The following ALK variants were observed in gnomAD, a reference collection of about 807,000 sequenced individuals.
ALK encodes the protein ALK receptor tyrosine kinase, also known as ALK tyrosine kinase receptor.
A neutral mutation model predicts 163.1 loss-of-function variants in ALK; 74 were observed. The observed-to-expected ratio is 0.45, with a 90% CI of 0.38 to 0.55. The LOEUF (loss-of-function observed/expected upper bound fraction) is 0.55, where lower values mean the gene tolerates loss of function less well. Among genes scored for constraint, ALK ranks in the 20% least tolerant of loss-of-function variants. ALK has a pLI of 0.00. For missense variants in ALK, 2,063 were observed against 2,105.3 expected (o/e 0.98, Z 0.39); for synonymous variants, 960 against 843.2 (o/e 1.14, Z -2.40).
At chr2:29,758,741 A>G (rs1051220306) in intron 1 of ALK, among the ~76,000 whole-genome samples, 1 of 152,114 alleles carries the variant, frequency 6.6e-6, no homozygotes, top group African/African-American at 2.4e-5. Context: ...TTCTTCAATT[A>G]AAAAGGCTTT....
rs1553395221 is a variant in ALK, at chr2:29,226,972, C to A, written c.3017G>T (p.Cys1006Phe). 10 of 1,614,228 alleles carry A rather than the reference C, an allele frequency of 6.2e-6. No individual in the cohort carries two copies. The highest frequency in any genetic ancestry group is 8.5e-6 in the Non-Finnish European group (10 of 1,180,040). The change falls in exon 18 of 29, where the codon TGC becomes TTC. Residue 1006 changes from cysteine (C) to phenylalanine (F), a missense_variant. This residue lies in a region of ALK where 575 missense variants were observed against 626.6 expected (regional missense o/e 0.92). Transcript: ENST00000389048. ...CAGCACCGTCCCGTGGTCACAGAAG[C>A]AGATGACCTTGTGGCTTTCAGGGTC... ...HMDPESHKVI[C>F]FCDHGTVLAE...
chr2:29,591,907 T>C (rs895697209), intron 3 of ALK, among the ~76,000 whole-genome samples: 1 of 152,078 alleles, frequency 6.6e-6, no homozygotes, highest in African/African-American at 2.4e-5. Flanking sequence ...GGTTTTACTC[T>C]TTCTGTCGTC....
At chr2:29,529,386 A>G (rs916312194) in intron 4 of ALK, among the ~76,000 whole-genome samples, 2 of 152,352 alleles carry the variant, frequency 1.3e-5, no homozygotes, top group Middle Eastern at 3.4e-3. Context: ...CAACATCACC[A>G]GGATATCACT....
rs1666207256 is a variant in ALK, at chr2:29,297,023, C to T, written c.1682G>A (p.Arg561Lys). 2 of 1,614,214 alleles carry T rather than the reference C, an allele frequency of 1.2e-6. No homozygotes were observed. The highest frequency in any genetic ancestry group is 1.7e-6 in the Non-Finnish European group (2 of 1,180,044). ...CACTAGCACCAAGGACACGTTTCCCCTCAAGACTCCACGAATGAGCCAGGA... is the reference window on the plus strand; with the variant it reads ...CACTAGCACCAAGGACACGTTTCCCTTCAAGACTCCACGAATGAGCCAGGA... The part of the protein sequence containing the change: ...RMSWLIRGVL[R>K]GNVSLVLVEN... Residue 561 changes from arginine to lysine, a missense_variant, in exon 9 of 29, where the codon AGG (arginine) becomes AAG (lysine). Around this residue, in one of 5 missense-constraint regions of ALK, gnomAD observed 987 missense variants for 939.5 expected, o/e 1.05. Coordinates refer to ENST00000389048, the MANE Select transcript of ALK (RefSeq NM_004304.5).
intron 8 of ALK, among the ~76,000 whole-genome samples, chr2:29,306,298 A>G (rs1354630662): frequency 6.6e-6 from 1 of 152,226 alleles, no homozygotes; most frequent in Non-Finnish European, 1.5e-5. Context: ...ACCCCTGGGC[A>G]CTAAGCCCAC....
At chr2:29,722,221 T>C (rs563404006) in intron 1 of ALK, among the ~76,000 whole-genome samples, 5 of 152,234 alleles carry the variant, frequency 3.3e-5, no homozygotes, top group Non-Finnish European at 7.3e-5. Context: ...GCTTAGGAAC[T>C]GTCATGGCTG....
intron 1 of ALK, among the ~76,000 whole-genome samples, chr2:29,871,317 C>A (rs921521270): frequency 1.3e-5 from 2 of 152,274 alleles, no homozygotes; most frequent in South Asian, 2.1e-4. Flanking sequence ...CATAATAGAG[C>A]CATGCAATCA....
At chr2:29,538,651 T>C (rs1223562210) in intron 3 of ALK, among the ~76,000 whole-genome samples, 1 of 152,190 alleles carries the variant, frequency 6.6e-6, no homozygotes, top group Non-Finnish European at 1.5e-5. Flanking sequence ...AGGAATCAAA[T>C]AGTACAGAAT....
chr2:29,252,527 A>G (rs1415047761), intron 11 of ALK, among the ~76,000 whole-genome samples: 1 of 152,186 alleles, frequency 6.6e-6, no homozygotes, highest in Non-Finnish European at 1.5e-5. Flanking sequence ...TAAGCAATAG[A>G]TTGAGACTGC....
At chr2:29,860,930 G>A (rs1036858776) in intron 1 of ALK, among the ~76,000 whole-genome samples, 1 of 152,140 alleles carries the variant, frequency 6.6e-6, no homozygotes, top group African/African-American at 2.4e-5. Flanking sequence ...AAGTAATTTG[G>A]GAGGCCAAGG....
chr2:29,386,099 C>T (rs1343325150), intron 4 of ALK, among the ~76,000 whole-genome samples: 10 of 152,218 alleles, frequency 6.6e-5, no homozygotes, highest in South Asian at 2.1e-4. Flanking sequence ...TCTTTCAGCG[C>T]GGTGCTCCTG....
At chr2:29,396,578 G>A (rs1189124729) in intron 4 of ALK, among the ~76,000 whole-genome samples, 1 of 152,134 alleles carries the variant, frequency 6.6e-6, no homozygotes, top group East Asian at 1.9e-4. Flanking sequence ...GGAGGCTGAG[G>A]CAGGAGAATC....
At chr2:29,529,512 T>G (rs1448630051) in intron 4 of ALK, among the ~76,000 whole-genome samples, 1 of 152,248 alleles carries the variant, frequency 6.6e-6, no homozygotes, top group Non-Finnish European at 1.5e-5. Flanking sequence ...TTCTTGAGAC[T>G]AGCAGCGACC....
chr2:29,269,697 A>G (rs1665327005), intron 11 of ALK, among the ~76,000 whole-genome samples: 1 of 152,232 alleles, frequency 6.6e-6, no homozygotes, highest in Admixed American at 6.5e-5. Context: ...AACACAGAGC[A>G]TGAGGTTAAT....
At chr2:29,306,187 T>C (rs1360982379) in intron 8 of ALK, among the ~76,000 whole-genome samples, 1 of 152,238 alleles carries the variant, frequency 6.6e-6, no homozygotes, top group Non-Finnish European at 1.5e-5. Flanking sequence ...CGCTTGCACG[T>C]AGGCTTATCT....
At chr2:29,348,362 A>G (rs1053929171) in intron 5 of ALK, among the ~76,000 whole-genome samples, 2 of 152,182 alleles carry the variant, frequency 1.3e-5, no homozygotes, top group African/African-American at 4.8e-5. Context: ...CATAATAATA[A>G]ATGCTTTCTG....
Position 29,886,690 on chromosome 2 carries a change from T to C in ALK, c.667+33303A>G, listed in dbSNP as rs1303199216. ...CAAGTAAGACAGACCTATATTTAAC[T>C]TCCAGAAGTTCACTTTGCACAAGTT... is the stretch of plus-strand genomic sequence containing the variant. On this transcript the variant is annotated intron_variant, in intron 1 of 28. Transcript: ENST00000389048. 2.0e-5 allele frequency among the ~76,000 whole-genome samples: 3 copies of C among 152,328 alleles called. No individual in the cohort carries two copies. In the East Asian group the frequency reaches 5.8e-4, roughly 29 times the overall value.
Position 29,920,563 on chromosome 2 carries a change from C to A in ALK, c.97G>T (p.Ala33Ser), listed in dbSNP as rs1384517795. 4 of 1,596,420 alleles carry A rather than the reference C, an allele frequency of 2.5e-6. No homozygotes were observed. In the East Asian group the frequency reaches 9.0e-5, roughly 36 times the overall value. ...MGTGQRAGSP[A>S]AGPPLQPREP... ...CGGGGCTGCAGCGGCGGCCCCGCAG[C>A]TGGGGAGCCCGCGCGCTGGCCGGTC... The change falls in exon 1 of 29, where the codon GCT becomes TCT. Residue 33 changes from alanine (A) to serine (S), a missense_variant. Around this residue, in one of 5 missense-constraint regions of ALK, gnomAD observed 987 missense variants for 939.5 expected, o/e 1.05. Coordinates refer to ENST00000389048, the MANE Select transcript of ALK (RefSeq NM_004304.5).
chr2:29,417,906 T>G (rs1669919309), intron 4 of ALK, among the ~76,000 whole-genome samples: 1 of 152,222 alleles, frequency 6.6e-6, no homozygotes, highest in African/African-American at 2.4e-5. Context: ...GCTGAGCTTG[T>G]AAATTGTATG....
Sources: allele counts gnomAD v4.1 joint callset (sites outside exome capture counted in the v4.1 genomes callset), GRCh38; gene constraint gnomAD v4.1.1; regional missense constraint gnomAD v4.1.1; transcripts MANE v1.5; gene names NCBI Gene and HGNC (gene_info 2026-07-23, HGNC 2026-07-21).